MAST4: variants seen among roughly 807,000 people sequenced by gnomAD.
The protein encoded by MAST4 is microtubule associated serine/threonine kinase family member 4, also known as microtubule-associated serine/threonine-protein kinase 4.
Under a neutral mutation model 162.7 loss-of-function variants are expected in MAST4, and 89 were observed. The ratio of observed to expected loss-of-function variants is 0.55; its 90% confidence interval spans 0.46 to 0.65. MAST4 has a LOEUF of 0.65. Ranked by LOEUF, MAST4 falls within the 30% of genes least tolerant of loss-of-function variation. The pLI is 0.00. For missense variants in MAST4, 3,153 were observed against 3,374.0 expected (o/e 0.93, Z 1.62); for synonymous variants, 1,479 against 1,361.1 (o/e 1.09, Z -1.91).
intron 4 of MAST4, among the ~76,000 whole-genome samples, chr5:66,988,583 T>C (rs1306356282): frequency 1.3e-5 from 2 of 152,204 alleles, no homozygotes; most frequent in African/African-American, 4.8e-5. Context: ...TTTTACAGAA[T>C]AGGAAACTAA....
intron 5 of MAST4, among the ~76,000 whole-genome samples, chr5:67,069,072 A>G (rs901837942): frequency 1.3e-5 from 2 of 151,992 alleles, no homozygotes; most frequent in Non-Finnish European, 2.9e-5. Flanking sequence ...AGCATTCTAA[A>G]GTGGTCCATG....
intron 3 of MAST4, among the ~76,000 whole-genome samples, chr5:66,814,723 T>G (rs1025649154): frequency 6.6e-6 from 1 of 152,326 alleles, no homozygotes; most frequent in African/African-American, 2.4e-5. Context: ...GCAAGGTGAT[T>G]TGCTAAGTCA....
At chr5:67,051,467 G>T (rs1758174327) in intron 4 of MAST4, among the ~76,000 whole-genome samples, 1 of 152,126 alleles carries the variant, frequency 6.6e-6, no homozygotes, top group Non-Finnish European at 1.5e-5. Flanking sequence ...GGCAACCTGG[G>T]TGACAGATGC....
intron 1 of MAST4, among the ~76,000 whole-genome samples, chr5:66,642,429 A>G (rs1389878097): frequency 6.6e-6 from 1 of 152,230 alleles, no homozygotes; most frequent in Non-Finnish European, 1.5e-5. Context: ...TCTTCAGACA[A>G]TTAGGAAAAT....
In MAST4 at chr5:67,162,591, T is replaced by C. The variant is rs998755412; in HGVS notation, c.3786-16T>C. The C allele has an allele frequency of 6.8e-6, 11 of 1,612,868 alleles. No homozygotes were observed. In the Admixed American group the frequency reaches 1.2e-4, roughly 17 times the overall value. On this transcript the variant is annotated splice_polypyrimidine_tract_variant and intron_variant, in intron 27 of 28. Coordinates refer to ENST00000403625, the MANE Select transcript of MAST4 (RefSeq NM_001164664.2). The stretch of plus-strand genomic sequence containing the variant: ...TCTGAAAGAAGACTGAACAATTTTT[T>C]CCTGTTTTTCTGTAGGAGGAGATCT...
intron 1 of MAST4, among the ~76,000 whole-genome samples, chr5:66,669,785 TG>T (rs531904680): frequency 1.3e-5 from 2 of 151,628 alleles, no homozygotes; most frequent in Non-Finnish European, 2.9e-5. Context: ...ACAGTGAGGG[TG>T]GGGGTGTGGA....
At chr5:66,964,637 T>A (rs1056803813) in intron 4 of MAST4, among the ~76,000 whole-genome samples, 1 of 152,128 alleles carries the variant, frequency 6.6e-6, no homozygotes, top group African/African-American at 2.4e-5. Context: ...CCGTCTCTAT[T>A]AAACATACAA....
At chr5:66,953,982 A>G (rs1242795893) in intron 4 of MAST4, among the ~76,000 whole-genome samples, 1 of 152,154 alleles carries the variant, frequency 6.6e-6, no homozygotes, top group African/African-American at 2.4e-5. Context: ...GAATGCATAG[A>G]AGAGATCTAG....
chr5:67,114,397 G>A (rs1356975436), intron 12 of MAST4, 178 bp downstream of exon 12: 14 of 654,198 alleles, frequency 2.1e-5, no homozygotes, highest in East Asian at 1.6e-4. Context: ...CCTGAGACAC[G>A]AATGAGCATG....
At chr5:67,065,017 T>A (rs566176744) in intron 5 of MAST4, among the ~76,000 whole-genome samples, 3 of 152,346 alleles carry the variant, frequency 2.0e-5, no homozygotes, top group Admixed American at 2.0e-4. Flanking sequence ...AGCATATAAT[T>A]ACATATTTAT....
intron 1 of MAST4, among the ~76,000 whole-genome samples, chr5:66,698,738 A>T (rs919895450): frequency 6.6e-6 from 1 of 152,008 alleles, no homozygotes; most frequent in South Asian, 2.1e-4. Context: ...TTGCTTCCCC[A>T]TCTCATAAAT....
At chr5:66,798,895 C>G (rs1241233198) in intron 3 of MAST4, among the ~76,000 whole-genome samples, 2 of 152,028 alleles carry the variant, frequency 1.3e-5, no homozygotes, top group Non-Finnish European at 2.9e-5. Context: ...ACATTTTTCC[C>G]CCTTTGGTTC....
intron 1 of MAST4, among the ~76,000 whole-genome samples, chr5:66,634,407 T>C (rs1334633021): frequency 6.6e-6 from 1 of 152,174 alleles, no homozygotes; most frequent in Non-Finnish European, 1.5e-5. Flanking sequence ...TCTCATCCTG[T>C]TTCTTCTTCA....
chr5:66,687,385 T>A (rs62359991), intron 1 of MAST4, among the ~76,000 whole-genome samples: 43,585 of 151,858 alleles, frequency 0.29, 6,449 homozygotes, highest in South Asian at 0.35. Context: ...TTTGACTCCA[T>A]CCATGCTGCT....
At chr5:67,160,419 A>G in intron 26 of MAST4, 37 bp from the exon 27 acceptor site, 3 of 1,587,442 alleles carry the variant, frequency 1.9e-6, no homozygotes, top group Non-Finnish European at 2.6e-6. Context: ...GCTTCATCAC[A>G]GCATTTCCCT....
At chr5:66,823,120 T>TC (rs1757073817) in intron 3 of MAST4, among the ~76,000 whole-genome samples, 1 of 152,210 alleles carries the variant, frequency 6.6e-6, no homozygotes, top group African/African-American at 2.4e-5. Context: ...TTGACACTTC[T>TC]CCTTCCTGCC....
chr5:67,104,919 A>T (rs2150873946), intron 10 of MAST4, among the ~76,000 whole-genome samples: 1 of 152,330 alleles, frequency 6.6e-6, no homozygotes. Flanking sequence ...TTATTTGATG[A>T]TGCTATCTAG....
At chr5:66,679,699 C>T (rs1252776313) in intron 1 of MAST4, among the ~76,000 whole-genome samples, 1 of 152,038 alleles carries the variant, frequency 6.6e-6, no homozygotes, top group African/African-American at 2.4e-5. Flanking sequence ...TTGTTGGCTT[C>T]TCGGTGAGGG....
intron 11 of MAST4, among the ~76,000 whole-genome samples, chr5:67,110,811 G>T (rs1766148278): frequency 6.6e-6 from 1 of 152,142 alleles, no homozygotes; most frequent in Non-Finnish European, 1.5e-5. Flanking sequence ...ATCACCTGAG[G>T]TCAGGAGTTC....
Sources: gnomAD v4.1 joint callset for allele counts (sites outside exome capture counted in the v4.1 genomes callset) on GRCh38, gnomAD v4.1.1 for gene constraint, MANE v1.5 for transcripts, NCBI Gene and HGNC (gene_info 2026-07-23, HGNC 2026-07-21) for gene names.